The following TULP3 variants were observed in gnomAD, a reference collection of about 807,000 sequenced individuals.
TULP3 encodes the protein TUB like protein 3.
In TULP3, 38 loss-of-function variants were observed where a neutral mutation model predicts 50.7. That is an observed-to-expected ratio of 0.75 (90% CI 0.58 to 0.98). The LOEUF (loss-of-function observed/expected upper bound fraction) is 0.98, where lower values mean the gene tolerates loss of function less well. Ranked by LOEUF, TULP3 falls within the 50% of genes least tolerant of loss-of-function variation. The pLI is 0.00. For missense variants in TULP3, 550 were observed against 568.0 expected (o/e 0.97, Z 0.32); for synonymous variants, 183 against 196.6 (o/e 0.93, Z 0.58).
chr12:2,920,628 C>T, intron 2 of TULP3, 135 bp from the exon 3 acceptor site: 1 of 1,096,510 alleles, frequency 9.1e-7, no homozygotes, highest in Non-Finnish European at 1.3e-6. Flanking sequence ...CCTCAGTTTT[C>T]CCATTTCTTA....
At chr12:2,930,987 C>A (rs563819105) in intron 5 of TULP3, 50 bp from the exon 6 acceptor site, 1 of 1,598,636 alleles carries the variant, frequency 6.3e-7, no homozygotes, top group Admixed American at 1.7e-5. Context: ...CAAAGAGAAT[C>A]AGATTTTGAG....
Position 2,940,676 on chromosome 12 carries a change from G to A in TULP3, c.*1232G>A. 1.9e-6 allele frequency: 3 copies of A among 1,551,716 alleles called. No homozygotes were observed. On this transcript the variant is annotated 3_prime_UTR_variant, in exon 11 of 11. Coordinates refer to ENST00000448120, the MANE Select transcript of TULP3 (RefSeq NM_003324.5). ...CCCTCAGACCTCCCTTCTGTGGACT[G>A]ACCTCTCACCTCCGCCTGTTGTTCC...
intron 2 of TULP3, among the ~76,000 whole-genome samples, chr12:2,917,870 C>G (rs2098189604): frequency 7.5e-6 from 1 of 133,398 alleles, no homozygotes; most frequent in Non-Finnish European, 1.6e-5. Flanking sequence ...GTGCAAGACT[C>G]TGTCTCAAAA....
intron 4 of TULP3, among the ~76,000 whole-genome samples, chr12:2,929,316 CA>C (rs113419901): frequency 2.2e-4 from 31 of 144,060 alleles, no homozygotes; most frequent in African/African-American, 1.8e-4. Context: ...GACTCCGTCT[CA>C]AAAAAAAAAA....
chr12:2,934,630 C>A, intron 8 of TULP3, 69 bp downstream of exon 8: 7 of 943,606 alleles, frequency 7.4e-6, no homozygotes, highest in South Asian at 4.6e-5. Context: ...CACCTAGTGT[C>A]GCTGAAGAAC....
At chr12:2,924,888 A>G (rs2098193816) in intron 4 of TULP3, among the ~76,000 whole-genome samples, 1 of 152,028 alleles carries the variant, frequency 6.6e-6, no homozygotes, top group Non-Finnish European at 1.5e-5. Context: ...TTAATTAAAA[A>G]AAAATAGGGC....
rs1202331458 is a variant in TULP3 at position 2,903,493 on chromosome 12, C to T, written c.42-6036C>T. 3.4e-5 allele frequency among the ~76,000 whole-genome samples: 5 copies of T among 149,098 alleles called. No individual in the cohort carries two copies. In the South Asian group the frequency reaches 8.5e-4, roughly 25 times the overall value. ...AGGAGAATTGCTTGAACCCGGGAGG[C>T]GGAGGTTGCGGCGAGCCAAGATCAC... On this transcript the variant is annotated intron_variant, in intron 1 of 10. Transcript: ENST00000448120.
intron 1 of TULP3, among the ~76,000 whole-genome samples, chr12:2,901,365 T>A (rs1163204442): frequency 6.7e-6 from 1 of 150,172 alleles, no homozygotes; most frequent in Non-Finnish European, 1.5e-5. Flanking sequence ...CCTAGGCTTT[T>A]TGCCCAATTT....
intron 8 of TULP3, among the ~76,000 whole-genome samples, chr12:2,935,790 G>A (rs1591538911): frequency 6.6e-6 from 1 of 151,396 alleles, no homozygotes; most frequent in African/African-American, 2.4e-5. Context: ...GCAACATGGT[G>A]AAACCCCATC....
intron 4 of TULP3, among the ~76,000 whole-genome samples, chr12:2,929,415 T>A (rs1020881514): frequency 6.6e-6 from 1 of 152,172 alleles, no homozygotes; most frequent in Non-Finnish European, 1.5e-5. Flanking sequence ...GCTTAAGTGA[T>A]CCAACCACCT....
chr12:2,916,954 TC>T (rs1374432968), intron 2 of TULP3, among the ~76,000 whole-genome samples: 1 of 152,150 alleles, frequency 6.6e-6, no homozygotes, highest in Non-Finnish European at 1.5e-5. Flanking sequence ...GAGAGAGGCT[TC>T]CCCAGATACC....
At chr12:2,934,601 G>A (rs1378265180) in intron 8 of TULP3, 40 bp downstream of exon 8, 51 of 1,390,058 alleles carry the variant, frequency 3.7e-5, no homozygotes, top group Non-Finnish European at 4.9e-5. Context: ...TGCCCTCCTG[G>A]TGTCCTGCTG....
At chr12:2,930,454 C>T (rs1417685967) in intron 5 of TULP3, 109 bp downstream of exon 5, 6 of 707,320 alleles carry the variant, frequency 8.5e-6, no homozygotes, top group Admixed American at 6.3e-5. Flanking sequence ...GGTGGAGTCT[C>T]GCTCTGTCAC....
rs1056792131 is a variant in TULP3 at position 2,940,019 on chromosome 12, C to T, written c.*575C>T. ...TTCCTCTCCTCTCTTCATTCCCTCA[C>T]AGCAGATTGGCCGGCACCAATCTTA... On this transcript the variant is annotated 3_prime_UTR_variant, in exon 11 of 11. Transcript: ENST00000448120. 16 of 1,288,124 alleles carry T rather than the reference C, an allele frequency of 1.2e-5. No homozygotes were observed. The African/African-American group carries it at 2.3e-4, about 18-fold the overall frequency. The allele number at this position is 1,288,124 out of a possible 1,614,324, so 79.8% of individuals were successfully genotyped here.
chr12:2,933,552 T>C (rs753578583), intron 7 of TULP3, 22 bp downstream of exon 7: 3 of 1,458,402 alleles, frequency 2.1e-6, no homozygotes, highest in Non-Finnish European at 2.9e-6. Flanking sequence ...CTTAGATCAC[T>C]GTCCTATTCT....
At chr12:2,897,161 C>T (rs1279631525) in intron 1 of TULP3, among the ~76,000 whole-genome samples, 2 of 152,036 alleles carry the variant, frequency 1.3e-5, no homozygotes, top group Non-Finnish European at 2.9e-5. Flanking sequence ...AGGTGCCTGC[C>T]ACCACCCCTG....
intron 1 of TULP3, among the ~76,000 whole-genome samples, chr12:2,894,538 A>AAACACACACACACAC (rs2098174279): frequency 6.8e-6 from 1 of 147,726 alleles, no homozygotes; most frequent in African/African-American, 2.5e-5. Context: ...CCGTCTCAAA[A>AAACACACACACACAC]ACACACACAC....
chr12:2,903,374 C>T (rs2098180326), intron 1 of TULP3, among the ~76,000 whole-genome samples: 1 of 151,212 alleles, frequency 6.6e-6, no homozygotes, highest in Non-Finnish European at 1.5e-5. Flanking sequence ...TCCAGCCAGA[C>T]CAACAGGGAG....
Position 2,921,343 on chromosome 12 carries a change from T to C in TULP3, c.253+421T>C, listed in dbSNP as rs1028872833. 1.3e-4 allele frequency among the ~76,000 whole-genome samples: 20 copies of C among 152,030 alleles called. No individual in the cohort carries two copies. The South Asian group carries it at 1.7e-3, about 13-fold the overall frequency. On this transcript the variant is annotated intron_variant, in intron 3 of 10. Coordinates refer to ENST00000448120, the MANE Select transcript of TULP3 (RefSeq NM_003324.5). ...TTTTAGTAGAGACGGGGTTTTACTA[T>C]GTTGGCCAGGCTTGTCTCGAACTCC... is the stretch of plus-strand genomic sequence containing the variant.
Sources: allele counts gnomAD v4.1 joint callset (sites outside exome capture counted in the v4.1 genomes callset), GRCh38; gene constraint gnomAD v4.1.1; transcripts MANE v1.5; gene names NCBI Gene and HGNC (gene_info 2026-07-23, HGNC 2026-07-21).